Variants in COXFA4L2 observed in about 807,000 individuals in gnomAD.
COXFA4L2 encodes cytochrome c oxidase hypoxia associated subunit FA4L2.
the COXFA4L2 span, chr12:57,240,611 C>T: frequency 2.0e-5 from 19 of 961,922 alleles, no homozygotes; most frequent in African/African-American, 3.2e-4. Flanking sequence ...CACTGTCATT[C>T]GGATACACGC....
chr12:57,235,572 T>C, the COXFA4L2 span: 102 of 1,613,800 alleles, frequency 6.3e-5, no homozygotes, highest in African/African-American at 1.0e-3. Flanking sequence ...CTTAGAAGTC[T>C]GGCCGGTCCT....
chr12:57,236,552 C>T, the COXFA4L2 span: 12 of 1,504,718 alleles, frequency 8.0e-6, no homozygotes, highest in East Asian at 2.9e-4. Context: ...CCCATCTTGC[C>T]TCACCCAGGC....
chr12:57,239,010 C>T, the COXFA4L2 span, among the ~76,000 whole-genome samples: 3 of 152,240 alleles, frequency 2.0e-5, no homozygotes, highest in Admixed American at 6.5e-5. The surrounding 1 kb of genome is among the most constrained non-coding windows in gnomAD (Gnocchi z 5.5). Context: ...CCCACACTTT[C>T]CCACCACGAG....
At chr12:57,236,702 A>C in the COXFA4L2 span, 1 of 1,542,446 alleles carries the variant, frequency 6.5e-7, no homozygotes, top group Admixed American at 2.0e-5. Context: ...GAGGGAGAGC[A>C]CTTTTGGGGT....
chr12:57,240,499 G>C, the COXFA4L2 span: 1 of 172,186 alleles, frequency 5.8e-6, no homozygotes, highest in Non-Finnish European at 1.2e-5. Context: ...AGCCGAGCTG[G>C]CCGGGAGAGG....
chr12:57,239,165 G>A, the COXFA4L2 span, among the ~76,000 whole-genome samples: 6 of 152,254 alleles, frequency 3.9e-5, no homozygotes, highest in African/African-American at 1.4e-4. This position sits in a 1 kb window ranked among gnomAD's most constrained non-coding sequence, Gnocchi z 5.5. Flanking sequence ...TGCACAGAGG[G>A]TCAAAGGCAG....
chr12:57,236,057 AG>A, the COXFA4L2 span: 1 of 407,226 alleles, frequency 2.5e-6, no homozygotes, highest in Non-Finnish European at 4.3e-6. Context: ...AACGGGGCCC[AG>A]GGACTCCCAC....
chr12:57,236,930 C>T, the COXFA4L2 span: 5 of 1,498,144 alleles, frequency 3.3e-6, no homozygotes, highest in Non-Finnish European at 3.7e-6. Flanking sequence ...AGAATAGGAG[C>T]GCTGAGGGAC....
chr12:57,240,674 C>T, the COXFA4L2 span: 1 of 985,468 alleles, frequency 1.0e-6, no homozygotes, highest in African/African-American at 1.7e-5. Flanking sequence ...CTGAGACACA[C>T]ATACCTGCAG....
chr12:57,235,842 C>T, the COXFA4L2 span: 4 of 1,510,044 alleles, frequency 2.6e-6, no homozygotes, highest in East Asian at 4.6e-5. Context: ...GTTAGGGTCT[C>T]CTCCCTGGGA....
chr12:57,236,892 GGA>G, the COXFA4L2 span: 2 of 1,254,902 alleles, frequency 1.6e-6, no homozygotes, highest in Non-Finnish European at 2.3e-6. Context: ...GGGACGTTTC[GGA>G]GAGAGACTGG....
chr12:57,240,623 G>A, the COXFA4L2 span: 5 of 975,010 alleles, frequency 5.1e-6, no homozygotes, highest in Admixed American at 1.8e-4. Context: ...GATACACGCC[G>A]CCGCGCGGCT....
the COXFA4L2 span, chr12:57,237,120 C>T: frequency 1.2e-6 from 2 of 1,614,060 alleles, no homozygotes; most frequent in South Asian, 1.1e-5. Context: ...TCTGCAGTGG[C>T]TCTGTCCTCT....
At chr12:57,235,817 GC>G in the COXFA4L2 span, 1 of 1,531,646 alleles carries the variant, frequency 6.5e-7, no homozygotes, top group Non-Finnish European at 8.8e-7. Flanking sequence ...CAGCTGTGGA[GC>G]AGGAGGGGGG....
the COXFA4L2 span, chr12:57,235,248 C>G: frequency 2.1e-6 from 1 of 475,604 alleles, no homozygotes; most frequent in Non-Finnish European, 3.8e-6. Flanking sequence ...AACACGTAGC[C>G]TGTGCCACAC....
At chr12:57,239,020 G>A in the COXFA4L2 span, among the ~76,000 whole-genome samples, 1 of 152,234 alleles carries the variant, frequency 6.6e-6, no homozygotes, top group Non-Finnish European at 1.5e-5. The surrounding 1 kb of genome is among the most constrained non-coding windows in gnomAD (Gnocchi z 5.5). Flanking sequence ...CCCACCACGA[G>A]GACTCAGGCC....
At chr12:57,235,741 A>T in the COXFA4L2 span, 1 of 1,604,326 alleles carries the variant, frequency 6.2e-7, no homozygotes, top group Non-Finnish European at 8.5e-7. Flanking sequence ...AGAGCCATCG[A>T]GAGGTACCTT....
the COXFA4L2 span, chr12:57,236,639 C>T: frequency 4.4e-6 from 7 of 1,582,872 alleles, no homozygotes; most frequent in Admixed American, 5.6e-5. Flanking sequence ...TAAAGCGCAG[C>T]GCTGCCCATG....
the COXFA4L2 span, among the ~76,000 whole-genome samples, chr12:57,238,854 G>T: frequency 6.6e-6 from 1 of 151,806 alleles, no homozygotes; most frequent in African/African-American, 2.4e-5. The surrounding 1 kb of genome is among the most constrained non-coding windows in gnomAD (Gnocchi z 6.8). Context: ...GCCACTCTCT[G>T]ACCCTTCTCC....
Sources: gnomAD v4.1 joint callset for allele counts (sites outside exome capture counted in the v4.1 genomes callset) on GRCh38, gnomAD v4.1.1 for gene constraint, Gnocchi (gnomAD v3.1) non-coding constraint, MANE v1.5 for transcripts, NCBI Gene and HGNC (gene_info 2026-07-23, HGNC 2026-07-21) for gene names.